Variants in RALGAPB observed in about 807,000 individuals in gnomAD.
The protein encoded by RALGAPB is Ral GTPase activating protein non-catalytic subunit beta.
RALGAPB carries 25 observed loss-of-function variants against 161.1 expected under a neutral mutation model. The observed-to-expected ratio is 0.16, with a 90% CI of 0.11 to 0.22. RALGAPB has a LOEUF of 0.22. Among genes scored for constraint, RALGAPB ranks in the 10% least tolerant of loss-of-function variants. RALGAPB has a pLI of 1.00. For synonymous variants in RALGAPB, 629 were observed against 626.1 expected (o/e 1.00, Z -0.07); for missense variants, 1,391 against 1,815.2 (o/e 0.77, Z 4.25).
At chr20:38,564,577 T>C (rs2087915019) in intron 24 of RALGAPB, among the ~76,000 whole-genome samples, 2 of 152,224 alleles carry the variant, frequency 1.3e-5, no homozygotes, top group Non-Finnish European at 2.9e-5. Flanking sequence ...TGTTGGTCTT[T>C]TATGTATTGC....
At chr20:38,549,113 A>G (rs1244256718) in intron 20 of RALGAPB, among the ~76,000 whole-genome samples, 1 of 152,238 alleles carries the variant, frequency 6.6e-6, no homozygotes, top group African/African-American at 2.4e-5. Flanking sequence ...AGTCAGATAT[A>G]TACCATACGT....
intron 15 of RALGAPB, among the ~76,000 whole-genome samples, chr20:38,534,870 G>T (rs1048194357): frequency 1.2e-4 from 18 of 152,238 alleles, no homozygotes; most frequent in Non-Finnish European, 7.3e-5. Context: ...ACTAGAAGCT[G>T]CTCTGGTCTA....
At chr20:38,546,101 C>A (rs1189657565) in intron 18 of RALGAPB, 142 bp from the exon 19 acceptor site, 6 of 1,429,112 alleles carry the variant, frequency 4.2e-6, no homozygotes, top group Non-Finnish European at 5.6e-6. Flanking sequence ...TGGCATTCAC[C>A]ACAAGGAGTA....
intron 1 of RALGAPB, among the ~76,000 whole-genome samples, chr20:38,475,694 A>G (rs2122800390): frequency 6.6e-6 from 1 of 150,610 alleles, no homozygotes; most frequent in Non-Finnish European, 1.5e-5. Flanking sequence ...AGCTCACTAC[A>G]ACCTCCGCCT....
rs2086918437 is a variant in RALGAPB at position 38,539,967 on chromosome 20, A to C, written c.2562+9A>C. Reference sequence around the variant, plus strand: ...ATATGCTTGATGAAAAGGTGAGTTTATTTTATTTTAAACCATTAAGTAAAA... The same window carrying C: ...ATATGCTTGATGAAAAGGTGAGTTTCTTTTATTTTAAACCATTAAGTAAAA... On this transcript the variant is annotated intron_variant, in intron 17 of 29. Coordinates refer to ENST00000262879, the MANE Select transcript of RALGAPB (RefSeq NM_020336.4). 1 of 1,601,110 alleles carries C rather than the reference A, an allele frequency of 6.2e-7. No individual in the cohort carries two copies. Among genetic ancestry groups the C allele is most frequent in the South Asian group, 1.1e-5 (1 of 88,394 alleles).
At chr20:38,561,281 G>A (rs372709674) in intron 23 of RALGAPB, among the ~76,000 whole-genome samples, 4 of 152,176 alleles carry the variant, frequency 2.6e-5, no homozygotes, top group African/African-American at 4.8e-5. Context: ...CAGAGATTGC[G>A]CCACTGCACT....
At chr20:38,512,900 C>A (rs979722219) in intron 6 of RALGAPB, among the ~76,000 whole-genome samples, 1 of 152,088 alleles carries the variant, frequency 6.6e-6, no homozygotes, top group Non-Finnish European at 1.5e-5. Context: ...GCTGGGACTA[C>A]AGGCGCCCAC....
chr20:38,500,892 C>T (rs751318596), intron 5 of RALGAPB, among the ~76,000 whole-genome samples: 3 of 152,140 alleles, frequency 2.0e-5, no homozygotes, highest in Admixed American at 6.5e-5. Flanking sequence ...TAAGCCAAAG[C>T]GTGATCCAGA....
intron 9 of RALGAPB, 81 bp downstream of exon 9, chr20:38,518,081 AT>A (rs764315899): frequency 7.8e-7 from 1 of 1,278,602 alleles, no homozygotes. Context: ...TACCTGCAAG[AT>A]TAATATGTAT....
intron 6 of RALGAPB, among the ~76,000 whole-genome samples, chr20:38,514,318 G>A (rs1315614637): frequency 2.6e-5 from 4 of 152,140 alleles, no homozygotes; most frequent in Non-Finnish European, 5.9e-5. Flanking sequence ...TTTGAGAGGG[G>A]GACATGCAGT....
chr20:38,569,000 T>G (rs2088119183), intron 26 of RALGAPB: 1 of 152,116 alleles, frequency 6.6e-6, no homozygotes, highest in Non-Finnish European at 1.5e-5. Flanking sequence ...ACTAAGAAAG[T>G]AGTCTGTGAA....
intron 18 of RALGAPB, among the ~76,000 whole-genome samples, chr20:38,545,832 T>C (rs1480741120): frequency 2.0e-5 from 3 of 152,116 alleles, no homozygotes; most frequent in African/African-American, 4.8e-5. Flanking sequence ...TTTTCTAAAA[T>C]GGGATAGAGA....
At chr20:38,507,460 C>A (rs2085796463) in intron 5 of RALGAPB, among the ~76,000 whole-genome samples, 1 of 151,884 alleles carries the variant, frequency 6.6e-6, no homozygotes. Flanking sequence ...GCAGCCTCAA[C>A]CTCCCCAGGC....
At chr20:38,480,497 C>T (rs1358480538) in intron 1 of RALGAPB, among the ~76,000 whole-genome samples, 2 of 149,624 alleles carry the variant, frequency 1.3e-5, no homozygotes, top group African/African-American at 5.0e-5. Context: ...AGCGATTCCT[C>T]TGCTTCAGCC....
At chr20:38,513,356 T>G (rs1247943072) in intron 6 of RALGAPB, among the ~76,000 whole-genome samples, 4 of 151,530 alleles carry the variant, frequency 2.6e-5, no homozygotes, top group African/African-American at 9.7e-5. Context: ...ATACAAAAAT[T>G]AGCTGGGTGT....
At chr20:38,559,000 T>C (rs2087693872) in intron 23 of RALGAPB, among the ~76,000 whole-genome samples, 2 of 152,254 alleles carry the variant, frequency 1.3e-5, no homozygotes, top group South Asian at 4.1e-4. Context: ...TATTTTGTAC[T>C]TGATGCCTAA....
intron 23 of RALGAPB, among the ~76,000 whole-genome samples, chr20:38,561,213 G>T (rs1187608374): frequency 6.6e-6 from 1 of 152,182 alleles, no homozygotes; most frequent in Non-Finnish European, 1.5e-5. Context: ...TAGTCCAGCT[G>T]CTCGGGTGGC....
At chr20:38,516,098 A>G (rs2086115399) in intron 6 of RALGAPB, 94 bp from the exon 7 acceptor site, 1 of 958,298 alleles carries the variant, frequency 1.0e-6, no homozygotes, top group African/African-American at 1.7e-5. Flanking sequence ...AATCAGAGAA[A>G]TAGGCACAGT....
chr20:38,474,263 C>T (rs575313924), intron 1 of RALGAPB, among the ~76,000 whole-genome samples: 16 of 152,252 alleles, frequency 1.1e-4, no homozygotes, highest in Non-Finnish European at 1.5e-4. Context: ...CTGCTCTCTC[C>T]TATATGCATA....
Sources: allele counts gnomAD v4.1 joint callset (sites outside exome capture counted in the v4.1 genomes callset), GRCh38; gene constraint gnomAD v4.1.1; transcripts MANE v1.5; gene names NCBI Gene and HGNC (gene_info 2026-07-23, HGNC 2026-07-21).